Variants in ZYG11A observed in about 807,000 individuals in gnomAD.
ZYG11A encodes the protein protein zyg-11 homolog A.
ZYG11A carries 62 observed loss-of-function variants against 77.2 expected under a neutral mutation model. The ratio of observed to expected loss-of-function variants is 0.80; its 90% confidence interval spans 0.65 to 0.99. ZYG11A has a LOEUF of 0.99. ZYG11A is among the 50% of genes least tolerant of loss of function. ZYG11A has a pLI of 0.00. For missense variants in ZYG11A, 828 were observed against 896.8 expected (o/e 0.92, Z 0.98); for synonymous variants, 315 against 324.6 (o/e 0.97, Z 0.32).
At chr1:52,859,500 T>C (rs990146603) in intron 3 of ZYG11A, among the ~76,000 whole-genome samples, 2 of 151,112 alleles carry the variant, frequency 1.3e-5, no homozygotes, top group East Asian at 3.9e-4. Flanking sequence ...CACGCCTGGC[T>C]AATTTTTTGT....
intron 13 of ZYG11A, among the ~76,000 whole-genome samples, chr1:52,887,997 G>T (rs1223229352): frequency 2.6e-5 from 4 of 152,126 alleles, no homozygotes; most frequent in African/African-American, 9.7e-5. Context: ...AGTTTAGCTT[G>T]TTGACTAGCT....
chr1:52,856,102 T>G (rs1167512433), intron 2 of ZYG11A, among the ~76,000 whole-genome samples: 1 of 152,194 alleles, frequency 6.6e-6, no homozygotes, highest in East Asian at 1.9e-4. Context: ...TTCTAATTTC[T>G]CCACGTTCTC....
chr1:52,863,525 C>G (rs540697836), intron 4 of ZYG11A, among the ~76,000 whole-genome samples: 2 of 152,336 alleles, frequency 1.3e-5, no homozygotes, highest in South Asian at 2.1e-4. Flanking sequence ...AATGGCCACT[C>G]TTTCCATAAC....
At position 52,855,000 on chromosome 1, in the gene ZYG11A, G is replaced by A. The variant is rs570551949; in HGVS notation, c.256+370G>A. 2.0e-5 allele frequency among the ~76,000 whole-genome samples: 3 copies of A among 152,158 alleles called. No individual in the cohort carries two copies. The South Asian group carries it at 6.2e-4, about 32-fold the overall frequency. ...CTGCCTCAGCCTCCTGAGTAGCTGG[G>A]ATTACAGGCGCCCACCACACCTGGC... On this transcript the variant is annotated intron_variant, in intron 2 of 13. Coordinates refer to ENST00000371528, the MANE Select transcript of ZYG11A (RefSeq NM_001004339.3).
In ZYG11A at chr1:52,857,111, C is replaced by T. The variant is rs371369199; in HGVS notation, c.370C>T (p.Arg124Cys). ...STAAFIKAFC[R>C]HKLIELNATA... is the part of the protein sequence containing the mutation. ...AGCTGCATTCATAAAAGCCTTCTGC[C>T]GTCATAAGCTCATTGAACTGAATGC... The change falls in exon 3 of 14, where the codon CGT becomes TGT. Residue 124 changes from arginine (R) to cysteine (C), a missense_variant. Coordinates refer to ENST00000371528, the MANE Select transcript of ZYG11A (RefSeq NM_001004339.3). 1.2e-5 allele frequency: 18 copies of T among 1,551,616 alleles called. No homozygotes were observed. The highest frequency in any genetic ancestry group is 5.9e-5 in the South Asian group (5 of 84,058).
At chr1:52,857,899 T>C (rs11206035) in intron 3 of ZYG11A, 150 bp downstream of exon 3, 290,673 of 569,216 alleles carry the variant, frequency 0.51, 80,911 homozygotes, top group Non-Finnish European at 0.58. Flanking sequence ...GATTATTATG[T>C]ACCTACTATG....
In ZYG11A at chr1:52,854,486, T is replaced by G; in HGVS notation, c.112T>G (p.Leu38Val). The change falls in exon 2 of 14, where the codon TTG becomes GTG. Residue 38 changes from leucine to valine, a missense_variant. Coordinates refer to ENST00000371528, the MANE Select transcript of ZYG11A (RefSeq NM_001004339.3). Reference protein sequence around the residue: ...VVQEEASPYTLVNICLNVLIA... With the variant: ...VVQEEASPYTVVNICLNVLIA... ...CTAGGAAGAGGCATCTCCCTACACT[T>G]TGGTCAACATCTGCCTGAATGTCCT... The G allele has an allele frequency of 1.9e-6, 3 of 1,549,170 alleles. No individual in the cohort carries two copies. Among genetic ancestry groups the G allele is most frequent in the Non-Finnish European group, 2.6e-6 (3 of 1,145,198 alleles).
intron 2 of ZYG11A, 68 bp downstream of exon 2, chr1:52,854,698 C>A (rs1020840606): frequency 3.0e-6 from 4 of 1,336,834 alleles, no homozygotes; most frequent in Admixed American, 5.7e-5. Flanking sequence ...CTTTTACACA[C>A]AATTTCTATT....
At chr1:52,878,982 A>G (rs112150502) in intron 10 of ZYG11A, among the ~76,000 whole-genome samples, 1,700 of 145,706 alleles carry the variant, frequency 0.012, 34 homozygotes, top group African/African-American at 0.04. Flanking sequence ...AAAACAAACC[A>G]AAAAACTCAA....
intron 2 of ZYG11A, among the ~76,000 whole-genome samples, chr1:52,856,241 T>C (rs556392899): frequency 1.3e-5 from 2 of 152,278 alleles, no homozygotes; most frequent in South Asian, 4.1e-4. Flanking sequence ...CTCCCTATAC[T>C]GAATTCCTTG....
At chr1:52,860,933 A>C (rs1645916148) in intron 4 of ZYG11A, 62 bp downstream of exon 4, 1 of 1,422,958 alleles carries the variant, frequency 7.0e-7, no homozygotes, top group African/African-American at 1.4e-5. Context: ...ATAATTGTTC[A>C]CGAACCACAC....
chr1:52,863,741 A>G (rs891576643), intron 4 of ZYG11A, among the ~76,000 whole-genome samples: 2 of 152,214 alleles, frequency 1.3e-5, no homozygotes, highest in Non-Finnish European at 1.5e-5. Flanking sequence ...TTTCACAGAT[A>G]AAGAAATAGA....
intron 4 of ZYG11A, among the ~76,000 whole-genome samples, chr1:52,863,478 G>A (rs766296575): frequency 1.3e-5 from 2 of 151,900 alleles, no homozygotes; most frequent in Non-Finnish European, 2.9e-5. Flanking sequence ...CTGCCTAAAT[G>A]TGCTCTCTCA....
Position 52,888,644 on chromosome 1 carries a change from C to T in ZYG11A, c.2104+1591C>T, listed in dbSNP as rs569405885. Among the ~76,000 whole-genome samples, 25 of 152,310 alleles carry T rather than the reference C, an allele frequency of 1.6e-4. No homozygotes were observed. In the South Asian group the frequency reaches 5.0e-3, roughly 30 times the overall value. On this transcript the variant is annotated intron_variant, in intron 13 of 13. Transcript: ENST00000371528. ...AAGTGTTGGAATTACAAGCATGAGA[C>T]ACTGCATCTGGCCAGAAAAATGTTT...
At chr1:52,870,574 G>T (rs1009128048) in intron 8 of ZYG11A, among the ~76,000 whole-genome samples, 2 of 152,254 alleles carry the variant, frequency 1.3e-5, no homozygotes, top group Non-Finnish European at 2.9e-5. Flanking sequence ...GGGCACCATT[G>T]AGCGCTGAGT....
At position 52,857,156 on chromosome 1, in the gene ZYG11A, C is replaced by T. The variant is rs1170567572; in HGVS notation, c.415C>T (p.Leu139Phe). ...ELNATAVHAD[L>F]PVPDIISGLC... is the part of the protein sequence containing the mutation. Reference sequence around the variant, plus strand: ...GAATGCTACTGCAGTGCACGCTGACCTCCCAGTTCCAGACATCATAAGTGG... The same window carrying T: ...GAATGCTACTGCAGTGCACGCTGACTTCCCAGTTCCAGACATCATAAGTGG... The change falls in exon 3 of 14, where the codon CTC becomes TTC. Residue 139 changes from leucine to phenylalanine, a missense_variant. Physicochemically the swap from Leu to Phe is conservative, Grantham distance 22 (BLOSUM62 0). Coordinates refer to ENST00000371528, the MANE Select transcript of ZYG11A (RefSeq NM_001004339.3). 4 of 1,551,974 alleles carry T rather than the reference C, an allele frequency of 2.6e-6. No individual in the cohort carries two copies.
chr1:52,859,647 T>A (rs1645886393), intron 3 of ZYG11A, among the ~76,000 whole-genome samples: 1 of 119,850 alleles, frequency 8.3e-6, no homozygotes, highest in Non-Finnish European at 1.9e-5. Context: ...GCTCTTTATT[T>A]TTATCTGTTT....
chr1:52,854,873 GT>G (rs561963113), intron 2 of ZYG11A, among the ~76,000 whole-genome samples: 4 of 147,922 alleles, frequency 2.7e-5, no homozygotes, highest in South Asian at 2.1e-4. Context: ...CTCTAGCTTT[GT>G]TTTTTTTTTT....
intron 1 of ZYG11A, among the ~76,000 whole-genome samples, chr1:52,849,858 A>G (rs1645673913): frequency 6.6e-6 from 1 of 150,378 alleles, no homozygotes; most frequent in African/African-American, 2.4e-5. Context: ...AATTTTTAAA[A>G]TGTTTTTAGT....
Sources: allele counts gnomAD v4.1 joint callset (sites outside exome capture counted in the v4.1 genomes callset), GRCh38; gene constraint gnomAD v4.1.1; transcripts MANE v1.5; gene names NCBI Gene and HGNC (gene_info 2026-07-23, HGNC 2026-07-21).